The following B4GALT1 variants were observed in gnomAD, a reference collection of about 807,000 sequenced individuals.
B4GALT1 encodes the protein N-acetyllactosamine synthase.
In B4GALT1, 16 loss-of-function variants were observed where a neutral mutation model predicts 34.9. That is an observed-to-expected ratio of 0.46 (90% CI 0.31 to 0.70). The LOEUF is 0.70. Among genes scored for constraint, B4GALT1 ranks in the 30% least tolerant of loss-of-function variants. The probability of loss-of-function intolerance (pLI) is 0.05; values close to 1 mark genes in which losing one functional copy is unlikely to be tolerated. For missense variants in B4GALT1, 445 were observed against 530.5 expected (o/e 0.84, Z 1.58); for synonymous variants, 221 against 218.1 (o/e 1.01, Z -0.12).
chr9:33,136,928 T>C (rs1028436232), intron 1 of B4GALT1, among the ~76,000 whole-genome samples: 1 of 152,192 alleles, frequency 6.6e-6, no homozygotes, highest in African/African-American at 2.4e-5. Flanking sequence ...CCCTTCTGAA[T>C]TCAACAGCTT....
chr9:33,110,452 G>A (rs919992284), downstream of B4GALT1, among the ~76,000 whole-genome samples: 1 of 152,086 alleles, frequency 6.6e-6, no homozygotes, highest in Non-Finnish European at 1.5e-5. Context: ...TCACTTTTAA[G>A]CCTCAAAAAA....
intron 1 of B4GALT1, among the ~76,000 whole-genome samples, chr9:33,159,082 T>C (rs921947514): frequency 6.6e-6 from 1 of 152,038 alleles, no homozygotes; most frequent in Non-Finnish European, 1.5e-5. Context: ...AAATACCAGC[T>C]TCCCTAGGCC....
At chr9:33,182,466 GAAAT>G in the B4GALT1 span, among the ~76,000 whole-genome samples, 2 of 152,182 alleles carry the variant, frequency 1.3e-5, no homozygotes, top group East Asian at 1.9e-4. Context: ...GCCTATCTGA[GAAAT>G]AAGCCAAAAA....
At chr9:33,155,167 A>G (rs1840578412) in intron 1 of B4GALT1, among the ~76,000 whole-genome samples, 1 of 152,220 alleles carries the variant, frequency 6.6e-6, no homozygotes, top group Admixed American at 6.5e-5. Flanking sequence ...CCTTCATCTC[A>G]TTTTATACAT....
chr9:33,104,915 G>A (rs921627075), intron 2 of B4GALT1: 1 of 365,590 alleles, frequency 2.7e-6, no homozygotes, highest in African/African-American at 2.2e-5. Context: ...CACCTCTTGG[G>A]TTCAAACAAT....
chr9:33,161,223 G>T (rs191388138), intron 1 of B4GALT1, among the ~76,000 whole-genome samples: 1 of 152,258 alleles, frequency 6.6e-6, no homozygotes, highest in African/African-American at 2.4e-5. Context: ...AGGCCAAGCC[G>T]CAAAGTGGAA....
chr9:33,147,376 T>C (rs1394495207), intron 1 of B4GALT1, among the ~76,000 whole-genome samples: 1 of 151,874 alleles, frequency 6.6e-6, no homozygotes, highest in African/African-American at 2.4e-5. Flanking sequence ...GCCTCCCAAG[T>C]AGCTGGGATT....
At chr9:33,151,234 A>G (rs1320086084) in intron 1 of B4GALT1, among the ~76,000 whole-genome samples, 1 of 152,222 alleles carries the variant, frequency 6.6e-6, no homozygotes, top group Non-Finnish European at 1.5e-5. Context: ...ATTCAGCCAG[A>G]GATTTCTAAG....
chr9:33,174,539 C>T, the B4GALT1 span, among the ~76,000 whole-genome samples: 3 of 151,910 alleles, frequency 2.0e-5, no homozygotes, highest in African/African-American at 7.3e-5. Flanking sequence ...ATCCCAGCTA[C>T]TCAGGAGGCT....
Position 33,167,094 on chromosome 9 carries a change from G to T in B4GALT1, c.76C>A (p.Leu26Ile). The change falls in exon 1 of 6, where the codon CTC (leucine) becomes ATC (isoleucine). Residue 26 changes from leucine to isoleucine, a missense_variant. Physicochemically the swap from Leu to Ile is conservative, Grantham distance 5 (BLOSUM62 2). Coordinates refer to ENST00000379731, the MANE Select transcript of B4GALT1 (RefSeq NM_001497.4). ...AGGTGCAGAGCGCAGACGGCCACGAGCAGGCGGCAGGCCCGCTGTAGGGAC... is the reference window on the plus strand; with the variant it reads ...AGGTGCAGAGCGCAGACGGCCACGATCAGGCGGCAGGCCCGCTGTAGGGAC... Reference protein sequence around the residue: ...GASLQRACRLLVAVCALHLGV... With the variant: ...GASLQRACRLIVAVCALHLGV... 6.2e-7 allele frequency: 1 copy of T among 1,604,644 alleles called. No homozygotes were observed.
rs377716953 is a variant in B4GALT1 at position 33,118,301 on chromosome 9, G to A, written c.836+2118C>T. Among the ~76,000 whole-genome samples, 232 of 152,252 alleles carry A rather than the reference G, an allele frequency of 1.5e-3. 7 individuals are homozygous for A. The South Asian group carries it at 0.046, about 30-fold the overall frequency. On this transcript the variant is annotated intron_variant, in intron 3 of 5. Coordinates refer to ENST00000379731, the MANE Select transcript of B4GALT1 (RefSeq NM_001497.4). ...CATACATTCCTATATTCCCATCACA[G>A]CTCTCATGCTCCCAGCAAGGGAGGA...
intron 3 of B4GALT1, among the ~76,000 whole-genome samples, chr9:33,116,410 G>A (rs562256889): frequency 8.7e-4 from 132 of 151,246 alleles, no homozygotes; most frequent in African/African-American, 3.1e-3. Context: ...TTTTAGTAGA[G>A]ACAGGGTTTC....
At chr9:33,145,757 C>T (rs1306128059) in intron 1 of B4GALT1, among the ~76,000 whole-genome samples, 2 of 152,204 alleles carry the variant, frequency 1.3e-5, no homozygotes, top group East Asian at 3.8e-4. Context: ...CAGTGGATAG[C>T]AAATCACAGC....
At chr9:33,167,347 C>G, upstream of B4GALT1, 1 of 759,754 alleles carries the variant, frequency 1.3e-6, no homozygotes, top group Non-Finnish European at 1.8e-6. Flanking sequence ...GGCGAGAAGC[C>G]GCCCGAGGCG....
chr9:33,113,586 C>G lies in B4GALT1; in HGVS notation c.1065G>C (p.Arg355Ser). 6.2e-7 allele frequency: 1 copy of G among 1,614,152 alleles called. No homozygotes were observed. Among genetic ancestry groups the G allele is most frequent in the South Asian group, 1.1e-5 (1 of 91,088 alleles). Residue 355 changes from arginine (R) to serine (S), a missense_variant and splice_region_variant, in exon 6 of 6, where the codon AGG becomes AGC. This residue lies in a region of B4GALT1 where 89 missense variants were observed against 107.6 expected (regional missense o/e 0.83). Coordinates refer to ENST00000379731, the MANE Select transcript of B4GALT1 (RefSeq NM_001497.4). ...CCTTTGTGTGTGCAATTCGGTCAAA[C>G]CTACAAGGAAAAGAGCACAAGGAGA... ...RDKKNEPNPQ[R>S]FDRIAHTKET...
In B4GALT1 at chr9:33,125,845, T is replaced by C. The variant is rs567524022; in HGVS notation, c.649-5239A>G. On this transcript the variant is annotated intron_variant, in intron 2 of 5. Transcript: ENST00000379731. ...GAAGAACTGTTCTGTCCAATCACCC[T>C]GCCTTCCCTGGATGTCAGGTCCATG... is the stretch of plus-strand genomic sequence containing the variant. Among the ~76,000 whole-genome samples the C allele has an allele frequency of 1.1e-4, 16 of 152,334 alleles. No individual in the cohort carries two copies. The South Asian group carries it at 3.3e-3, about 32-fold the overall frequency.
At chr9:33,120,801 C>T (rs1840010840) in intron 2 of B4GALT1, among the ~76,000 whole-genome samples, 195 bp from the exon 3 acceptor site, 1 of 152,182 alleles carries the variant, frequency 6.6e-6, no homozygotes, top group Admixed American at 6.5e-5. Flanking sequence ...ATATATCCTG[C>T]AGAAGGACTT....
At chr9:33,170,148 T>C (rs1487360804), upstream of B4GALT1, among the ~76,000 whole-genome samples, 1 of 151,714 alleles carries the variant, frequency 6.6e-6, no homozygotes, top group East Asian at 1.9e-4. Flanking sequence ...TTGTTTGTAT[T>C]TTTAGTAGAG....
chr9:33,117,418 C>T (rs1839956522), intron 3 of B4GALT1, among the ~76,000 whole-genome samples: 1 of 152,172 alleles, frequency 6.6e-6, no homozygotes, highest in Admixed American at 6.5e-5. Flanking sequence ...ATTGTGAACT[C>T]CTAAGGGATA....
Sources: gnomAD v4.1 joint callset for allele counts (sites outside exome capture counted in the v4.1 genomes callset) on GRCh38, gnomAD v4.1.1 for gene constraint, gnomAD v4.1.1 regional missense constraint, MANE v1.5 for transcripts, NCBI Gene and HGNC (gene_info 2026-07-23, HGNC 2026-07-21) for gene names.